PRKN: variants seen among roughly 807,000 people sequenced by gnomAD.
PRKN encodes E3 ubiquitin-protein ligase parkin.
In PRKN, 56 loss-of-function variants were observed where a neutral mutation model predicts 59.5. The ratio of observed to expected loss-of-function variants is 0.94; its 90% CI spans 0.76 to 1.18. The LOEUF (loss-of-function observed/expected upper bound fraction) is 1.18. Among genes scored for constraint, PRKN ranks in the 50% most tolerant of loss-of-function variants. The pLI, the probability that PRKN is intolerant of heterozygous loss-of-function variation, is 0.00. For synonymous variants in PRKN, 250 were observed against 222.1 expected (o/e 1.13, Z -1.12); for missense variants, 657 against 596.4 (o/e 1.10, Z -1.06).
At chr6:162,489,943 C>A (rs1292105105) in intron 1 of PRKN, among the ~76,000 whole-genome samples, 1 of 152,124 alleles carries the variant, frequency 6.6e-6, no homozygotes, top group Non-Finnish European at 1.5e-5. Context: ...TACCTTAAAT[C>A]CTTGTTTCTT....
chr6:162,080,360 T>C (rs544854320), intron 4 of PRKN, among the ~76,000 whole-genome samples: 2 of 152,074 alleles, frequency 1.3e-5, no homozygotes, highest in African/African-American at 4.8e-5. Context: ...ACAAAACACA[T>C]GAAAAGTTCT....
intron 9 of PRKN, among the ~76,000 whole-genome samples, chr6:161,420,283 T>C (rs1315469590): frequency 6.6e-6 from 1 of 151,128 alleles, no homozygotes; most frequent in East Asian, 1.9e-4. Context: ...AAAACCCTGA[T>C]TTTTGAAATA....
intron 1 of PRKN, among the ~76,000 whole-genome samples, chr6:162,448,172 T>A (rs1790412869): frequency 6.6e-6 from 1 of 152,088 alleles, no homozygotes; most frequent in Non-Finnish European, 1.5e-5. Flanking sequence ...CCAGTAAGTA[T>A]CAGAGGCACG....
chr6:162,509,988 A>G (rs1046913362), intron 1 of PRKN, among the ~76,000 whole-genome samples: 8 of 152,158 alleles, frequency 5.3e-5, no homozygotes, highest in Non-Finnish European at 1.0e-4. Context: ...CTCACTTCAC[A>G]TGCAACAAAT....
At chr6:161,905,511 C>T (rs889806220) in intron 6 of PRKN, among the ~76,000 whole-genome samples, 2 of 152,158 alleles carry the variant, frequency 1.3e-5, no homozygotes, top group Non-Finnish European at 2.9e-5. Context: ...CACGGGAGTG[C>T]TCAGCTCTCC....
At chr6:161,918,360 A>C (rs1778653813) in intron 6 of PRKN, among the ~76,000 whole-genome samples, 1 of 152,214 alleles carries the variant, frequency 6.6e-6, no homozygotes, top group Admixed American at 6.5e-5. Context: ...TTATTGTCTT[A>C]ATCATAATTA....
At chr6:162,528,426 A>G (rs533199530) in intron 1 of PRKN, among the ~76,000 whole-genome samples, 156 of 152,276 alleles carry the variant, frequency 1.0e-3, no homozygotes, top group African/African-American at 3.6e-3. Flanking sequence ...ATAAATATAA[A>G]TAATAGTTAC....
chr6:161,366,117 C>T (rs1785187933), intron 10 of PRKN, among the ~76,000 whole-genome samples: 2 of 152,154 alleles, frequency 1.3e-5, no homozygotes, highest in African/African-American at 2.4e-5. Flanking sequence ...GAGGGTGGAG[C>T]TCTTATGAAG....
intron 6 of PRKN, among the ~76,000 whole-genome samples, chr6:161,956,048 C>A (rs1478852927): frequency 6.6e-6 from 1 of 152,168 alleles, no homozygotes; most frequent in Non-Finnish European, 1.5e-5. Context: ...CAATATCCCC[C>A]TTTCAGTTAG....
intron 6 of PRKN, among the ~76,000 whole-genome samples, chr6:161,917,529 G>C (rs2128238297): frequency 6.6e-6 from 1 of 152,316 alleles, no homozygotes; most frequent in South Asian, 2.1e-4. Context: ...GGTTTTACAT[G>C]ATGGATTAGG....
chr6:162,301,676 G>A (rs1781957947), intron 2 of PRKN, among the ~76,000 whole-genome samples: 1 of 150,522 alleles, frequency 6.6e-6, no homozygotes, highest in Non-Finnish European at 1.5e-5. Context: ...TTACATTAGG[G>A]CCCAATACTT....
chr6:162,033,816 A>G (rs1039140135), intron 5 of PRKN, among the ~76,000 whole-genome samples: 9 of 152,166 alleles, frequency 5.9e-5, no homozygotes, highest in African/African-American at 2.2e-4. Context: ...TTTTCCTTCC[A>G]TCTTTTCTAT....
chr6:162,371,068 G>A (rs1301837626), intron 2 of PRKN, among the ~76,000 whole-genome samples: 1 of 152,200 alleles, frequency 6.6e-6, no homozygotes, highest in African/African-American at 2.4e-5. Context: ...AAGACAGAAG[G>A]CCATCGTGGG....
chr6:161,635,313 A>G (rs1022943966), intron 7 of PRKN, among the ~76,000 whole-genome samples: 2 of 152,250 alleles, frequency 1.3e-5, no homozygotes, highest in Non-Finnish European at 2.9e-5. Context: ...GCTTCTCTAC[A>G]TAACTGACTA....
At chr6:162,339,440 G>A (rs1220260070) in intron 2 of PRKN, among the ~76,000 whole-genome samples, 7 of 145,176 alleles carry the variant, frequency 4.8e-5, no homozygotes, top group Non-Finnish European at 9.2e-5. Context: ...GGTGAGGGGC[G>A]CCTCTGCCCG....
At chr6:162,010,224 AATATATATTTTATAT>A (rs1782440949) in intron 5 of PRKN, among the ~76,000 whole-genome samples, 1 of 121,530 alleles carries the variant, frequency 8.2e-6, no homozygotes, top group African/African-American at 2.9e-5. Context: ...ATATATACAT[AATATATATTTTATAT>A]ATTTATTATA....
At chr6:162,695,881 C>G (rs1339459164) in intron 1 of PRKN, among the ~76,000 whole-genome samples, 1 of 152,018 alleles carries the variant, frequency 6.6e-6, no homozygotes, top group Non-Finnish European at 1.5e-5. Flanking sequence ...GTTTGGAGTC[C>G]GAGAAGCTAG....
intron 7 of PRKN, among the ~76,000 whole-genome samples, chr6:161,702,385 A>G (rs1045539202): frequency 6.6e-5 from 10 of 152,222 alleles, no homozygotes; most frequent in African/African-American, 4.8e-5. Flanking sequence ...GACCCAGCCT[A>G]TGACACAAAT....
chr6:162,345,484 G>A lies in PRKN; in HGVS notation c.172-82719C>T, dbSNP rs78216929. Among the ~76,000 whole-genome samples, 646 of 152,276 alleles carry A rather than the reference G, an allele frequency of 4.2e-3. 7 individuals are homozygous for A. Among genetic ancestry groups the A allele is most frequent in the African/African-American group, 0.015 (606 of 41,558 alleles). Reference sequence around the variant, plus strand: ...TGATTAACAAAAGAACTGATTGTTCGTAATTCAAGGAATATCTTTCCATTT... The same window carrying A: ...TGATTAACAAAAGAACTGATTGTTCATAATTCAAGGAATATCTTTCCATTT... On this transcript the variant is annotated intron_variant, in intron 2 of 11. Coordinates refer to ENST00000366898, the MANE Select transcript of PRKN (RefSeq NM_004562.3).
Sources: gnomAD v4.1 joint callset for allele counts (sites outside exome capture counted in the v4.1 genomes callset) on GRCh38, gnomAD v4.1.1 for gene constraint, MANE v1.5 for transcripts, NCBI Gene and HGNC (gene_info 2026-07-23, HGNC 2026-07-21) for gene names.